Variants in CSMD1 observed in about 807,000 individuals in gnomAD.
CSMD1 encodes CUB and sushi domain-containing protein 1.
CSMD1 carries 213 observed loss-of-function variants against 417.5 expected under a neutral mutation model. The observed-to-expected ratio is 0.51, with a 90% confidence interval of 0.46 to 0.57. The LOEUF is 0.57. Ranked by LOEUF, CSMD1 falls within the 20% of genes least tolerant of loss-of-function variation. The pLI, the probability that CSMD1 is intolerant of heterozygous loss-of-function variation, is 0.00. For synonymous variants in CSMD1, 2,862 were observed against 1,736.8 expected (o/e 1.65, Z -16.11); for missense variants, 6,923 against 4,529.7 (o/e 1.53, Z -15.17).
chr8:3,063,616 T>C (rs1052112708), intron 49 of CSMD1, among the ~76,000 whole-genome samples: 2 of 152,194 alleles, frequency 1.3e-5, no homozygotes, highest in Admixed American at 6.5e-5. Context: ...AAACCAAATG[T>C]AGCCTCTACA....
chr8:4,129,536 T>C (rs1236164198), intron 3 of CSMD1, among the ~76,000 whole-genome samples: 1 of 152,176 alleles, frequency 6.6e-6, no homozygotes, highest in South Asian at 2.1e-4. Flanking sequence ...AATCCGATTT[T>C]GAGATTGGAT....
At chr8:4,347,068 C>G (rs1404652495) in intron 3 of CSMD1, among the ~76,000 whole-genome samples, 1 of 152,082 alleles carries the variant, frequency 6.6e-6, no homozygotes, top group African/African-American at 2.4e-5. Context: ...ACACCTTTGA[C>G]CATTTTTCTC....
chr8:4,927,131 ACACT>A (rs989489243), intron 1 of CSMD1, among the ~76,000 whole-genome samples: 9 of 148,048 alleles, frequency 6.1e-5, no homozygotes, highest in African/African-American at 1.7e-4. Flanking sequence ...ATTAAGATAG[ACACT>A]CACTCTGTTG....
At chr8:3,363,512 C>CTTAT (rs72391770) in intron 20 of CSMD1, among the ~76,000 whole-genome samples, 19,772 of 150,708 alleles carry the variant, frequency 0.13, 1,302 homozygotes, top group East Asian at 0.25. Context: ...TGTAGAAAGG[C>CTTAT]TTATTTATTT....
chr8:4,701,879 C>A (rs1807580054), intron 1 of CSMD1, among the ~76,000 whole-genome samples: 1 of 152,162 alleles, frequency 6.6e-6, no homozygotes, highest in Non-Finnish European at 1.5e-5. Flanking sequence ...CAATGATAGA[C>A]TGGATAAAGA....
At chr8:3,648,568 T>C (rs964479151) in intron 7 of CSMD1, among the ~76,000 whole-genome samples, 1 of 152,208 alleles carries the variant, frequency 6.6e-6, no homozygotes, top group African/African-American at 2.4e-5. Context: ...CAGAAAATTG[T>C]TTTGGAACTT....
intron 5 of CSMD1, among the ~76,000 whole-genome samples, chr8:3,974,880 AT>A (rs1813326651): frequency 6.6e-6 from 1 of 152,176 alleles, no homozygotes; most frequent in Non-Finnish European, 1.5e-5. Context: ...TAATTTAAGA[AT>A]TTAAAAATAA....
At chr8:3,506,674 A>G (rs1175079702) in intron 10 of CSMD1, among the ~76,000 whole-genome samples, 1 of 152,248 alleles carries the variant, frequency 6.6e-6, no homozygotes. Context: ...TCTGGAATAA[A>G]TAAACTCCGA....
At chr8:4,339,854 T>G (rs557255240) in intron 3 of CSMD1, among the ~76,000 whole-genome samples, 1 of 151,918 alleles carries the variant, frequency 6.6e-6, no homozygotes, top group East Asian at 1.9e-4. Flanking sequence ...TAAGACCTCA[T>G]CTCTACAAAA....
chr8:3,703,752 T>C (rs959930360), intron 7 of CSMD1, among the ~76,000 whole-genome samples: 11 of 152,086 alleles, frequency 7.2e-5, no homozygotes, highest in East Asian at 1.9e-4. Flanking sequence ...TTTAAATCTA[T>C]GGCCAGCTAT....
At position 3,214,152 on chromosome 8, in the gene CSMD1, G is replaced by C. The variant is rs144375290; in HGVS notation, c.4867+345C>G. 7.2e-4 allele frequency among the ~76,000 whole-genome samples: 110 copies of C among 152,094 alleles called. 2 individuals carry two copies. In the East Asian group the frequency reaches 0.02, roughly 28 times the overall value. On this transcript the variant is annotated intron_variant, in intron 30 of 69. Coordinates refer to ENST00000635120, the MANE Select transcript of CSMD1 (RefSeq NM_033225.6). ...AGCTACCACGCCCGGCTAGAAGTAA[G>C]TATTTTATATATGGAGAGAGAGAGA...
intron 5 of CSMD1, among the ~76,000 whole-genome samples, chr8:3,897,767 C>A (rs1318135847): frequency 1.3e-5 from 2 of 152,140 alleles, no homozygotes; most frequent in Non-Finnish European, 2.9e-5. Context: ...TCTGTGATAT[C>A]ATTTGCTTTC....
intron 2 of CSMD1, among the ~76,000 whole-genome samples, chr8:4,450,657 T>A (rs1205475940): frequency 6.6e-6 from 1 of 152,166 alleles, no homozygotes; most frequent in Non-Finnish European, 1.5e-5. Flanking sequence ...GGTACTTTGA[T>A]GCAGTATCCA....
chr8:4,346,769 A>G (rs1307070698), intron 3 of CSMD1, among the ~76,000 whole-genome samples: 2 of 152,200 alleles, frequency 1.3e-5, no homozygotes, highest in Non-Finnish European at 2.9e-5. Flanking sequence ...ATCAAAATTC[A>G]AAGGAGACAA....
intron 7 of CSMD1, among the ~76,000 whole-genome samples, chr8:3,705,204 C>A (rs1270118864): frequency 6.6e-6 from 1 of 152,180 alleles, no homozygotes; most frequent in Non-Finnish European, 1.5e-5. Context: ...GCTTTCTGCA[C>A]TGAAGGCAAC....
chr8:3,558,587 T>TCCACTCCTGCAATGATGAATAGTGC (rs1799310525), intron 10 of CSMD1, among the ~76,000 whole-genome samples: 1 of 62,504 alleles, frequency 1.6e-5, no homozygotes, highest in Admixed American at 1.3e-4. Flanking sequence ...ATGAATGGTG[T>TCCACTCCTGCAATGATGAATAGTGC]CTCAATAGTA....
In CSMD1 at chr8:3,367,187, G is replaced by A. The variant is rs1245135540; in HGVS notation, c.2960C>T (p.Thr987Ile). ...LESSHDYLLI[T>I]EDGSFSEPVA... ...GGGCTCGGAAAAACTTCCATCCTCT[G>A]TGATCAGTAAATAGTCGTGGGAACT... Residue 987 changes from threonine (T) to isoleucine (I), a missense_variant, in exon 20 of 70, where the codon ACA (threonine) becomes ATA (isoleucine). By Grantham distance (89) the Thr-to-Ile change is moderately conservative (BLOSUM62 -1). Transcript: ENST00000635120. 6.2e-7 allele frequency: 1 copy of A among 1,613,644 alleles called. No homozygotes were observed. Among genetic ancestry groups the A allele is most frequent in the East Asian group, 2.2e-5 (1 of 44,820 alleles).
intron 21 of CSMD1, among the ~76,000 whole-genome samples, chr8:3,348,859 G>A (rs1808194528): frequency 6.6e-6 from 1 of 152,170 alleles, no homozygotes; most frequent in Admixed American, 6.5e-5. Flanking sequence ...CTGTCAACCT[G>A]GAGAAAGTCA....
intron 1 of CSMD1, among the ~76,000 whole-genome samples, chr8:4,808,380 C>A (rs1798707836): frequency 6.6e-6 from 1 of 152,144 alleles, no homozygotes; most frequent in African/African-American, 2.4e-5. Flanking sequence ...AGATTATAGA[C>A]CCTTTTGCTA....
Sources: gnomAD v4.1 joint callset for allele counts (sites outside exome capture counted in the v4.1 genomes callset) on GRCh38, gnomAD v4.1.1 for gene constraint, MANE v1.5 for transcripts, NCBI Gene and HGNC (gene_info 2026-07-23, HGNC 2026-07-21) for gene names.